CDH7: variants seen among roughly 807,000 people sequenced by gnomAD.
CDH7 encodes cadherin-7.
Under a neutral mutation model 71.8 loss-of-function variants are expected in CDH7, and 25 were observed. That is an observed-to-expected ratio of 0.35 (90% CI 0.25 to 0.49). The LOEUF (loss-of-function observed/expected upper bound fraction) is 0.49, where lower values mean the gene tolerates loss of function less well. CDH7 is among the 20% of genes least tolerant of loss of function. The pLI, the probability that CDH7 is intolerant of heterozygous loss-of-function variation, is 0.99. For synonymous variants in CDH7, 381 were observed against 363.8 expected, an observed-to-expected ratio of 1.05 and a Z score of -0.54; for missense variants, 862 against 974.6, an observed-to-expected ratio of 0.88 and a Z score of 1.54.
chr18:65,824,411 T>A (rs1015325398), intron 5 of CDH7, among the ~76,000 whole-genome samples: 5 of 151,934 alleles, frequency 3.3e-5, no homozygotes, highest in Admixed American at 3.3e-4. Context: ...GAGATTCTTC[T>A]CTTGCTTTTC....
intron 2 of CDH7, among the ~76,000 whole-genome samples, chr18:65,804,047 G>A (rs1457260271): frequency 6.6e-6 from 1 of 152,092 alleles, no homozygotes; most frequent in Non-Finnish European, 1.5e-5. Flanking sequence ...AAGTCAGTGA[G>A]CATCACAGAG....
At chr18:65,776,816 G>A (rs1909964862) in intron 2 of CDH7, among the ~76,000 whole-genome samples, 1 of 152,152 alleles carries the variant, frequency 6.6e-6, no homozygotes, top group African/African-American at 2.4e-5. Flanking sequence ...TTAAATATCA[G>A]CAGCTTAAGT....
intron 3 of CDH7, 139 bp from the exon 4 acceptor site, chr18:65,814,346 T>C: frequency 2.4e-6 from 2 of 835,908 alleles, no homozygotes; most frequent in South Asian, 1.5e-5. Flanking sequence ...AAATACTGTA[T>C]CCATTTTTTT....
At chr18:65,836,282 C>T (rs923479391) in intron 6 of CDH7, among the ~76,000 whole-genome samples, 6 of 151,886 alleles carry the variant, frequency 4.0e-5, no homozygotes, top group Non-Finnish European at 7.4e-5. Context: ...TCTATGGGGG[C>T]GAAAGCTGAT....
At chr18:65,877,179 C>A (rs1914096734) in intron 11 of CDH7, among the ~76,000 whole-genome samples, 2 of 152,016 alleles carry the variant, frequency 1.3e-5, no homozygotes, top group South Asian at 4.1e-4. Context: ...AATTATCTAA[C>A]CTTCCAAAAT....
chr18:65,834,163 A>T (rs1426876245), intron 6 of CDH7, among the ~76,000 whole-genome samples: 1 of 152,156 alleles, frequency 6.6e-6, no homozygotes, highest in African/African-American at 2.4e-5. Context: ...TTAAAAGGAG[A>T]ATTTAAAGAC....
At chr18:65,862,988 T>A (rs1339446317) in intron 11 of CDH7, 71 bp downstream of exon 11, 1 of 1,498,056 alleles carries the variant, frequency 6.7e-7, no homozygotes, top group Non-Finnish European at 9.2e-7. Flanking sequence ...TTGCCTATTA[T>A]CTTCTCCATT....
intron 2 of CDH7, among the ~76,000 whole-genome samples, chr18:65,789,421 C>T (rs920399391): frequency 1.3e-5 from 2 of 152,058 alleles, no homozygotes; most frequent in Non-Finnish European, 2.9e-5. Flanking sequence ...CCAAGACAAC[C>T]AGCAACAGCC....
chr18:65,830,029 A>G (rs1189023588), intron 6 of CDH7, among the ~76,000 whole-genome samples: 1 of 152,166 alleles, frequency 6.6e-6, no homozygotes, highest in Non-Finnish European at 1.5e-5. Context: ...CTGGGGAAGA[A>G]GTTGAATAGT....
At chr18:65,813,331 T>G (rs972460886) in intron 3 of CDH7, among the ~76,000 whole-genome samples, 1 of 152,060 alleles carries the variant, frequency 6.6e-6, no homozygotes, top group Non-Finnish European at 1.5e-5. Flanking sequence ...AAACTCCATC[T>G]GAAAATATAA....
At chr18:65,797,972 A>G (rs932836492) in intron 2 of CDH7, among the ~76,000 whole-genome samples, 1 of 152,138 alleles carries the variant, frequency 6.6e-6, no homozygotes, top group African/African-American at 2.4e-5. Context: ...GGGAGTATGG[A>G]TGGATATTCT....
chr18:65,855,109 C>T (rs1913305280), intron 7 of CDH7, among the ~76,000 whole-genome samples: 1 of 151,928 alleles, frequency 6.6e-6, no homozygotes, highest in Non-Finnish European at 1.5e-5. Context: ...GATGAGTATA[C>T]AGAGTATCTC....
chr18:65,778,694 C>T lies in CDH7; in HGVS notation c.210+15642C>T, dbSNP rs191398153. Among the ~76,000 whole-genome samples the T allele has an allele frequency of 5.2e-3, 777 of 148,842 alleles. 7 individuals are homozygous for T. Among genetic ancestry groups the T allele is most frequent in the African/African-American group, 0.018 (729 of 40,294 alleles). On this transcript the variant is annotated intron_variant, in intron 2 of 11. Coordinates refer to ENST00000397968, the MANE Select transcript of CDH7 (RefSeq NM_004361.5). ...TTTTTTTGTTTGTTTTTCAATGAGACGTCAACAGTTTATTTCATAATAAAT... is the reference window on the plus strand; with the variant it reads ...TTTTTTTGTTTGTTTTTCAATGAGATGTCAACAGTTTATTTCATAATAAAT...
intron 8 of CDH7, among the ~76,000 whole-genome samples, 176 bp downstream of exon 8, chr18:65,858,128 A>G (rs535977008): frequency 1.3e-5 from 2 of 152,260 alleles, no homozygotes; most frequent in South Asian, 2.1e-4. Flanking sequence ...TCTTTCTATG[A>G]TAATATTTAC....
At chr18:65,836,513 C>A (rs1484465125) in intron 6 of CDH7, among the ~76,000 whole-genome samples, 1 of 151,854 alleles carries the variant, frequency 6.6e-6, no homozygotes, top group Admixed American at 6.6e-5. Context: ...CTGATCATAT[C>A]TTTGTATAAT....
chr18:65,871,939 G>GT (rs1445990879), intron 11 of CDH7, among the ~76,000 whole-genome samples: 2 of 152,126 alleles, frequency 1.3e-5, no homozygotes, highest in African/African-American at 4.8e-5. Context: ...ACAAGAGGCA[G>GT]TTGAACCTGG....
rs10552878 is a variant in CDH7 at position 65,790,220 on chromosome 18, C to CAAAAAA, written c.211-19466_211-19461dup. On this transcript the variant is annotated intron_variant, in intron 2 of 11. Transcript: ENST00000397968. ...TGGGTGACAGAGTAAGACTCTCTCT[C>CAAAAAA]AAAAAAAAAAAAAAAAAAAAAAAGA... 6.2e-3 allele frequency among the ~76,000 whole-genome samples: 411 copies of CAAAAAA among 66,518 alleles called. 2 individuals carry two copies. The highest frequency in any genetic ancestry group is 0.011 in the Middle Eastern group (1 of 94). The allele number at this position is 66,518 out of a possible 152,430, so 43.6% of individuals were successfully genotyped here. A position where few individuals can be genotyped will look rare whatever the true frequency, so the allele number is the denominator to read the frequency against.
chr18:65,781,251 C>A (rs1245131297), intron 2 of CDH7, among the ~76,000 whole-genome samples: 4 of 152,108 alleles, frequency 2.6e-5, no homozygotes, highest in African/African-American at 9.7e-5. Flanking sequence ...TGCCCTTTTA[C>A]ATAGATTAGC....
chr18:65,851,382 T>C (rs984272334), intron 7 of CDH7, among the ~76,000 whole-genome samples: 54 of 152,320 alleles, frequency 3.5e-4, no homozygotes, highest in African/African-American at 1.3e-3. Flanking sequence ...TATTACATTA[T>C]CTTTTGCCAC....
Sources: allele counts gnomAD v4.1 joint callset (sites outside exome capture counted in the v4.1 genomes callset), GRCh38; gene constraint gnomAD v4.1.1; transcripts MANE v1.5; gene names NCBI Gene and HGNC (gene_info 2026-07-23, HGNC 2026-07-21).